The following LZTFL1 variants were observed in gnomAD, a reference collection of about 807,000 sequenced individuals.
LZTFL1 encodes the protein leucine zipper transcription factor like 1.
A neutral mutation model predicts 45.9 loss-of-function variants in LZTFL1; 25 were observed. The ratio of observed to expected loss-of-function variants is 0.54; its 90% CI spans 0.40 to 0.76. LZTFL1 has a LOEUF of 0.76. Among genes scored for constraint, LZTFL1 ranks in the 30% least tolerant of loss-of-function variants. The probability of loss-of-function intolerance (pLI) is 0.00; values close to 1 mark genes in which losing one functional copy is unlikely to be tolerated. For synonymous variants in LZTFL1, 93 were observed against 117.4 expected, an observed-to-expected ratio of 0.79 and a Z score of 1.35; for missense variants, 277 against 331.1, an observed-to-expected ratio of 0.84 and a Z score of 1.27.
intron 2 of LZTFL1, chr3:45,894,826 T>C (rs1269982616): frequency 8.3e-6 from 8 of 966,038 alleles, no homozygotes; most frequent in African/African-American, 1.6e-5. Flanking sequence ...ATTTAAAATT[T>C]AATCTCCATC....
At chr3:45,849,003 T>C (rs1018132186) in intron 4 of LZTFL1, among the ~76,000 whole-genome samples, 5 of 152,202 alleles carry the variant, frequency 3.3e-5, no homozygotes, top group African/African-American at 1.2e-4. Context: ...CAACTGTGTA[T>C]TTCTGATTTC....
intron 1 of LZTFL1, among the ~76,000 whole-genome samples, chr3:45,840,477 C>T (rs1326612678): frequency 3.3e-5 from 5 of 152,200 alleles, no homozygotes; most frequent in Admixed American, 6.5e-5. Context: ...TACCAAGTCA[C>T]TTAACCCCAA....
In LZTFL1 at chr3:45,858,843, A is replaced by G. The variant is rs925977429; in HGVS notation, c.-138+97T>C. ...TTGTTGACTTGAACCTTGAGGATAC[A>G]AATATTTGTTATGAGATGTTTGCCA... On this transcript the variant is annotated intron_variant, in intron 3 of 4. Transcript: ENST00000472635. The G allele has an allele frequency of 3.9e-5, 6 of 152,238 alleles. No individual in the cohort carries two copies. In the South Asian group the frequency reaches 1.0e-3, roughly 26 times the overall value. The allele number at this position is 152,238 out of a possible 1,614,324, so 9.4% of individuals were successfully genotyped here.
At chr3:45,914,209 C>T (rs1187867265) in intron 1 of LZTFL1, among the ~76,000 whole-genome samples, 1 of 152,172 alleles carries the variant, frequency 6.6e-6, no homozygotes, top group African/African-American at 2.4e-5. Flanking sequence ...ACCACCTGCT[C>T]CAGCATCACC....
intron 2 of LZTFL1, among the ~76,000 whole-genome samples, chr3:45,896,051 A>G (rs1283990648): frequency 1.3e-5 from 2 of 152,250 alleles, no homozygotes; most frequent in Admixed American, 1.3e-4. Context: ...TTAGTATTAC[A>G]TATGTATAGT....
chr3:45,866,034 A>C (rs980682077), intron 2 of LZTFL1, among the ~76,000 whole-genome samples: 3 of 152,244 alleles, frequency 2.0e-5, no homozygotes, highest in Non-Finnish European at 4.4e-5. Context: ...GCCAGACAAA[A>C]GAGTATTTGC....
At chr3:45,826,441 T>TA in intron 9 of LZTFL1, 109 bp from the exon 10 acceptor site, 2 of 898,710 alleles carry the variant, frequency 2.2e-6, no homozygotes, top group Non-Finnish European at 3.6e-6. Context: ...AAATTACTGT[T>TA]ACGGTAGAAG....
At chr3:45,854,321 A>G (rs1011580968) in intron 4 of LZTFL1, 5 of 152,870 alleles carry the variant, frequency 3.3e-5, no homozygotes, top group African/African-American at 1.2e-4. Context: ...ATCCCAGCAC[A>G]TTGGGAGGCC....
chr3:45,832,032 A>G (rs111804480), intron 5 of LZTFL1, among the ~76,000 whole-genome samples: 2,658 of 152,208 alleles, frequency 0.017, 85 homozygotes, highest in African/African-American at 0.06. Flanking sequence ...TCAGGAGATC[A>G]AGACCAACCT....
At chr3:45,881,511 C>T (rs1472588357) in intron 2 of LZTFL1, among the ~76,000 whole-genome samples, 1 of 152,136 alleles carries the variant, frequency 6.6e-6, no homozygotes, top group Non-Finnish European at 1.5e-5. Context: ...CTCTCTCTCT[C>T]TCACTCTCTG....
rs760196840 is a variant in LZTFL1 at position 45,824,740 on chromosome 3, G to A, written c.*1574C>T. ...AAGAGTTCTGCTTCTGAATTACATAGAACATCTTGGTCCACAGACAATGGA... is the reference window on the plus strand; with the variant it reads ...AAGAGTTCTGCTTCTGAATTACATAAAACATCTTGGTCCACAGACAATGGA... On this transcript the variant is annotated 3_prime_UTR_variant, in exon 10 of 10. Coordinates refer to ENST00000296135, the MANE Select transcript of LZTFL1 (RefSeq NM_020347.4). The A allele has an allele frequency of 1.8e-5, 7 of 397,710 alleles. No individual in the cohort carries two copies. Among genetic ancestry groups the A allele is most frequent in the Non-Finnish European group, 3.1e-5 (7 of 225,568 alleles). The allele number at this position is 397,710 out of a possible 1,614,324, so 24.6% of individuals were successfully genotyped here.
chr3:45,858,990 A>G (rs1481495005), exon 3 of LZTFL1: 1 of 152,226 alleles, frequency 6.6e-6, no homozygotes, highest in African/African-American at 2.4e-5. Flanking sequence ...TGTCCAAGAA[A>G]TAGGGACATA....
chr3:45,901,479 G>A lies in LZTFL1; in HGVS notation c.-215+11641C>T, dbSNP rs61751653. The stretch of plus-strand genomic sequence containing the variant: ...GTTCTTCCTTCCCTTCGTGGTCATG[G>A]CTTGCTGCTATACCATCATCATTCA... On this transcript the variant is annotated intron_variant, in intron 2 of 4. Transcript: ENST00000472635. The surrounding 1 kb of genome is among the most constrained non-coding windows in gnomAD (Gnocchi z 4.3). 5,470 of 1,614,082 alleles carry A rather than the reference G, an allele frequency of 3.4e-3. 16 individuals carry two copies. The highest frequency in any genetic ancestry group is 4.0e-3 in the Non-Finnish European group (4,733 of 1,180,006).
In LZTFL1 at chr3:45,858,578, T is replaced by C. The variant is rs542087490; in HGVS notation, c.-138+362A>G. Among the ~76,000 whole-genome samples the C allele has an allele frequency of 8.1e-4, 123 of 152,338 alleles. 1 individual carries two copies. The highest frequency in any genetic ancestry group is 2.8e-3 in the African/African-American group (116 of 41,584). ...TATTTTGTAAACTGTACTCATATGC[T>C]CTATAAACTACAGAATGAAAAATGA... On this transcript the variant is annotated intron_variant, in intron 3 of 4. Coordinates refer to the LZTFL1 transcript ENST00000472635.
chr3:45,872,684 C>T (rs1701688308), intron 2 of LZTFL1, among the ~76,000 whole-genome samples: 1 of 152,184 alleles, frequency 6.6e-6, no homozygotes. Context: ...AATTTGAGAA[C>T]CATCAGGCTA....
rs55966195 is a variant in LZTFL1 at position 45,860,230 on chromosome 3, G to A, written c.-214-1214C>T. Among the ~76,000 whole-genome samples the A allele has an allele frequency of 7.6e-3, 1,162 of 151,970 alleles. 11 individuals are homozygous for A. The highest frequency in any genetic ancestry group is 0.024 in the African/African-American group (1,013 of 41,442). On this transcript the variant is annotated intron_variant, in intron 2 of 4. Transcript: ENST00000472635. ...CTGTCTCAAATAAATAAATAAATAA[G>A]TAAGTAAAATAAATAAAATGTATAC... is the stretch of plus-strand genomic sequence containing the variant.
intron 2 of LZTFL1, among the ~76,000 whole-genome samples, chr3:45,870,985 T>A (rs1224586905): frequency 1.3e-5 from 2 of 152,242 alleles, no homozygotes; most frequent in African/African-American, 4.8e-5. Context: ...TTGCTTTATT[T>A]GTTCAGAAAC....
intron 2 of LZTFL1, among the ~76,000 whole-genome samples, chr3:45,880,615 G>A (rs977657992): frequency 9.2e-5 from 14 of 152,254 alleles, no homozygotes; most frequent in East Asian, 1.9e-4. Flanking sequence ...CAACATGCTC[G>A]TGCCCCTCCA....
intron 6 of LZTFL1, 22 bp downstream of exon 6, chr3:45,831,051 T>A: frequency 1.9e-6 from 3 of 1,607,382 alleles, no homozygotes; most frequent in Non-Finnish European, 2.6e-6. Context: ...TCAATAATTG[T>A]GTCAAAACAT....
Sources: gnomAD v4.1 joint callset for allele counts (sites outside exome capture counted in the v4.1 genomes callset) on GRCh38, gnomAD v4.1.1 for gene constraint, Gnocchi (gnomAD v3.1) non-coding constraint, MANE v1.5 for transcripts, NCBI Gene and HGNC (gene_info 2026-07-23, HGNC 2026-07-21) for gene names.